Variants in EPHB3 observed in about 807,000 individuals in gnomAD.
The protein encoded by EPHB3 is ephrin type-B receptor 3.
Under a neutral mutation model 100.2 loss-of-function variants are expected in EPHB3, and 33 were observed. The ratio of observed to expected loss-of-function variants is 0.33; its 90% confidence interval spans 0.25 to 0.44. EPHB3 has a LOEUF of 0.44. EPHB3 is among the 20% of genes least tolerant of loss of function. The pLI is 1.00. For missense variants in EPHB3, 1,045 were observed against 1,378.3 expected (o/e 0.76, Z 3.83); for synonymous variants, 526 against 554.7 (o/e 0.95, Z 0.73).
At chr3:184,566,198 G>T (rs1393901876) in intron 1 of EPHB3, among the ~76,000 whole-genome samples, 1 of 152,224 alleles carries the variant, frequency 6.6e-6, no homozygotes, top group Non-Finnish European at 1.5e-5. Context: ...GAAGGGCTCA[G>T]GTTAAGGGCT....
Position 184,571,533 on chromosome 3 carries a change from T to G in EPHB3, c.183+151T>G. ...CTCACTTCCTGTGCCATCCCCATCATCCTCACTTGTGACCCTCTGAAGCAC... is the reference window on the plus strand; with the variant it reads ...CTCACTTCCTGTGCCATCCCCATCAGCCTCACTTGTGACCCTCTGAAGCAC... On this transcript the variant is annotated intron_variant, in intron 2 of 15. Coordinates refer to ENST00000330394, the MANE Select transcript of EPHB3 (RefSeq NM_004443.4). This position sits in a 1 kb window ranked among gnomAD's most constrained non-coding sequence, Gnocchi z 5.0. 1 of 769,728 alleles carries G rather than the reference T, an allele frequency of 1.3e-6. No homozygotes were observed. The allele number at this position is 769,728 out of a possible 1,614,324, so 47.7% of individuals were successfully genotyped here.
intron 1 of EPHB3, among the ~76,000 whole-genome samples, chr3:184,564,438 C>G (rs892859164): frequency 1.3e-5 from 2 of 152,248 alleles, no homozygotes; most frequent in African/African-American, 4.8e-5. Context: ...CTCTCCCTCA[C>G]TGGGAGACAG....
chr3:184,577,801 G>C lies in EPHB3; in HGVS notation c.1623G>C (p.Glu541Asp). The C allele has an allele frequency of 6.2e-7, 1 of 1,605,874 alleles. No individual in the cohort carries two copies. The highest frequency in any genetic ancestry group is 8.5e-7 in the Non-Finnish European group (1 of 1,174,078). ...YGQYSRPAEFETTSERGSGAQ... is the reference protein window; with the variant it reads ...YGQYSRPAEFDTTSERGSGAQ... ...AGTACAGCCGCCCTGCCGAGTTTGA[G>C]ACCACAAGTGAGAGAGGTTAGTAGC... is the stretch of plus-strand genomic sequence containing the variant. Residue 541 changes from glutamate (E) to aspartate (D), a missense_variant, in exon 7 of 16, where the codon GAG (glutamate) becomes GAC (aspartate). Physicochemically the swap from Glu to Asp is conservative, Grantham distance 45. Around this residue, in one of 2 missense-constraint regions of EPHB3, gnomAD observed 985 missense variants for 1,331.1 expected, o/e 0.74. Transcript: ENST00000330394. This position sits in a 1 kb window ranked among gnomAD's most constrained non-coding sequence, Gnocchi z 4.9.
chr3:184,578,397 AC>A lies in EPHB3; in HGVS notation c.1749-14del. On this transcript the variant is annotated splice_polypyrimidine_tract_variant and intron_variant, in intron 8 of 15. Transcript: ENST00000330394. This position sits in a 1 kb window ranked among gnomAD's most constrained non-coding sequence, Gnocchi z 4.7. The stretch of plus-strand genomic sequence containing the variant: ...ATGACTTGTCTCAGGCCTGCCCTCC[AC>A]CCTGCCACCCTACAGGAAGCAGCGA... 6.2e-7 allele frequency: 1 copy of A among 1,613,364 alleles called. No homozygotes were observed. The highest frequency in any genetic ancestry group is 1.1e-5 in the South Asian group (1 of 91,042).
At chr3:184,567,639 T>TTTGCA (rs1248907996) in intron 1 of EPHB3, among the ~76,000 whole-genome samples, 3 of 152,230 alleles carry the variant, frequency 2.0e-5, no homozygotes, top group Non-Finnish European at 4.4e-5. Flanking sequence ...CATCTGTGAC[T>TTTGCA]TTGCAGCTGA....
At position 184,580,394 on chromosome 3, in the gene EPHB3, G is replaced by T; in HGVS notation, c.2173-8G>T. The T allele has an allele frequency of 6.2e-7, 1 of 1,614,184 alleles. No individual in the cohort carries two copies. The highest frequency in any genetic ancestry group is 1.3e-5 in the African/African-American group (1 of 75,064). On this transcript the variant is annotated splice_region_variant and splice_polypyrimidine_tract_variant and intron_variant, in intron 11 of 15. Coordinates refer to ENST00000330394, the MANE Select transcript of EPHB3 (RefSeq NM_004443.4). Reference sequence around the variant, plus strand: ...ATGGGCTCACCTGAGCCTGCTTGTTGCCTGCAGCTCAACGATGGGCAGTTC... The same window carrying T: ...ATGGGCTCACCTGAGCCTGCTTGTTTCCTGCAGCTCAACGATGGGCAGTTC...
At position 184,581,402 on chromosome 3, in the gene EPHB3, C is replaced by T. The variant is rs574118020; in HGVS notation, c.2882C>T (p.Thr961Met). ...FASFDLVAQM[T>M]AEDLLRIGVT... ...TCTTTTGACCTGGTGGCCCAGATGACGGCAGAGTAAGTGTGCCTCAGATTT... is the reference window on the plus strand; with the variant it reads ...TCTTTTGACCTGGTGGCCCAGATGATGGCAGAGTAAGTGTGCCTCAGATTT... The change falls in exon 15 of 16, where the codon ACG becomes ATG. Residue 961 changes from threonine to methionine, a missense_variant. Physicochemically the swap from Thr to Met is moderately conservative, Grantham distance 81. Around this residue, in one of 2 missense-constraint regions of EPHB3, gnomAD observed 985 missense variants for 1,331.1 expected, o/e 0.74. Coordinates refer to ENST00000330394, the MANE Select transcript of EPHB3 (RefSeq NM_004443.4). The T allele has an allele frequency of 1.4e-5, 22 of 1,585,996 alleles. No homozygotes were observed. Among genetic ancestry groups the T allele is most frequent in the South Asian group, 4.7e-5 (4 of 85,466 alleles).
chr3:184,568,602 C>G (rs1467611974), intron 1 of EPHB3, among the ~76,000 whole-genome samples: 1 of 143,696 alleles, frequency 7.0e-6, no homozygotes, highest in African/African-American at 2.6e-5. Flanking sequence ...ACCCCCCCCC[C>G]ACATCCCCCT....
At position 184,577,039 on chromosome 3, in the gene EPHB3, G is replaced by T; in HGVS notation, c.1210G>T (p.Gly404Cys). 1 of 1,613,916 alleles carries T rather than the reference G, an allele frequency of 6.2e-7. No individual in the cohort carries two copies. Among genetic ancestry groups the T allele is most frequent in the Non-Finnish European group, 8.5e-7 (1 of 1,180,000 alleles). The change falls in exon 5 of 16, where the codon GGC becomes TGC. Residue 404 changes from glycine to cysteine, a missense_variant. By Grantham distance (159) the Gly-to-Cys change is radical. Around this residue, in one of 2 missense-constraint regions of EPHB3, gnomAD observed 985 missense variants for 1,331.1 expected, o/e 0.74. Coordinates refer to ENST00000330394, the MANE Select transcript of EPHB3 (RefSeq NM_004443.4). This position sits in a 1 kb window ranked among gnomAD's most constrained non-coding sequence, Gnocchi z 4.9. ...DNVEFVPRQLGLTERRVHISH... is the reference protein window; with the variant it reads ...DNVEFVPRQLCLTERRVHISH... ...CGTGGAGTTTGTGCCTCGGCAGCTG[G>T]GCCTGACGGAGCGCCGGGTCCACAT...
In EPHB3 at chr3:184,579,960, C is replaced by G; in HGVS notation, c.2172+26C>G. ...GTAAGAGCCAGCCCCCAGGCCCTCT[C>G]CCTCCCCCAGAGAGTTGGATTGGGC... On this transcript the variant is annotated intron_variant, in intron 11 of 15. Transcript: ENST00000330394. This position sits in a 1 kb window ranked among gnomAD's most constrained non-coding sequence, Gnocchi z 5.2. The G allele has an allele frequency of 6.2e-7, 1 of 1,603,676 alleles. No homozygotes were observed. The highest frequency in any genetic ancestry group is 8.5e-7 in the Non-Finnish European group (1 of 1,175,108).
rs928574732 is a variant in EPHB3, at chr3:184,580,747, C to T, written c.2407C>T (p.Arg803Cys). The T allele has an allele frequency of 5.0e-6, 8 of 1,613,916 alleles. No homozygotes were observed. The highest frequency in any genetic ancestry group is 4.4e-5 in the South Asian group (4 of 91,072). The part of the protein sequence containing the change: ...TSSLGGKIPI[R>C]WTAPEAIAYR... ...TCACCAGGGCGGGAAGATCCCCATC[C>T]GCTGGACTGCCCCAGAGGCCATAGC... Residue 803 changes from arginine (R) to cysteine (C), a missense_variant, in exon 13 of 16, where the codon CGC becomes TGC. Transcript: ENST00000330394.
chr3:184,572,391 C>T lies in EPHB3; in HGVS notation c.184-113C>T. On this transcript the variant is annotated intron_variant, in intron 2 of 15. Transcript: ENST00000330394. This position sits in a 1 kb window ranked among gnomAD's most constrained non-coding sequence, Gnocchi z 6.6. ...AGCCCATATAGCCTGTATGCTCAGC[C>T]ACTGCACACCATAGAAGCATCCCTG... The T allele has an allele frequency of 8.2e-7, 1 of 1,217,128 alleles. No homozygotes were observed. Among genetic ancestry groups the T allele is most frequent in the Non-Finnish European group, 1.1e-6 (1 of 922,660 alleles). 75.4% of individuals were successfully genotyped at this position (1,217,128 alleles called of 1,614,324 possible).
intron 1 of EPHB3, among the ~76,000 whole-genome samples, chr3:184,570,044 C>T (rs1395727492): frequency 6.6e-6 from 1 of 152,206 alleles, no homozygotes; most frequent in South Asian, 2.1e-4. Flanking sequence ...CCTAAGGGAG[C>T]AAGTGTATGT....
In EPHB3 at chr3:184,571,325, C is replaced by G. The variant is rs1380303860; in HGVS notation, c.126C>G (p.Leu42=). The G allele has an allele frequency of 6.2e-7, 1 of 1,613,946 alleles. No homozygotes were observed. The highest frequency in any genetic ancestry group is 8.5e-7 in the Non-Finnish European group (1 of 1,179,950). ...PAGCRALEET[L]MDTKWVTSEL... ...TCTCCGTTGTTCCTCCAGAGACCCT[C>G]ATGGACACAAAATGGGTAACATCTG... The change falls in exon 2 of 16, where the codon CTC becomes CTG. Residue 42 remains leucine (L), a synonymous_variant. Coordinates refer to ENST00000330394, the MANE Select transcript of EPHB3 (RefSeq NM_004443.4). The surrounding 1 kb of genome is among the most constrained non-coding windows in gnomAD (Gnocchi z 5.0).
Position 184,581,794 on chromosome 3 carries a change from T to G in EPHB3, c.*172T>G, listed in dbSNP as rs1381688983. The G allele has an allele frequency of 1.2e-5, 8 of 648,868 alleles. No homozygotes were observed. Among genetic ancestry groups the G allele is most frequent in the Non-Finnish European group, 2.1e-5 (8 of 387,862 alleles). The allele number at this position is 648,868 out of a possible 1,614,324, so 40.2% of individuals were successfully genotyped here. On this transcript the variant is annotated 3_prime_UTR_variant, in exon 16 of 16. Coordinates refer to ENST00000330394, the MANE Select transcript of EPHB3 (RefSeq NM_004443.4). ...AGGCCTGTGTTCCCTCCCCAGGAAG[T>G]GCGCCCCAAACCTCTTCATATTGAA...
chr3:184,568,576 A>G (rs1714453516), intron 1 of EPHB3, among the ~76,000 whole-genome samples: 1 of 151,550 alleles, frequency 6.6e-6, no homozygotes, highest in South Asian at 2.1e-4. Context: ...AATACCACGG[A>G]CAGATGGGTT....
rs1714570371 is a variant in EPHB3 at position 184,572,682 on chromosome 3, A to G, written c.362A>G (p.Asn121Ser). 1 of 1,603,040 alleles carries G rather than the reference A, an allele frequency of 6.2e-7. No individual in the cohort carries two copies. Among genetic ancestry groups the G allele is most frequent in the African/African-American group, 1.3e-5 (1 of 74,522 alleles). The change falls in exon 3 of 16, where the codon AAC (asparagine) becomes AGC (serine). Residue 121 changes from asparagine to serine, a missense_variant. Asn to Ser is a conservative substitution (Grantham distance 46). Around this residue, in one of 2 missense-constraint regions of EPHB3, gnomAD observed 985 missense variants for 1,331.1 expected, o/e 0.74. Coordinates refer to ENST00000330394, the MANE Select transcript of EPHB3 (RefSeq NM_004443.4). The surrounding 1 kb of genome is among the most constrained non-coding windows in gnomAD (Gnocchi z 6.6). ...GTGCGTGACTGCAACAGCATCCCCA[A>G]CATCCCCGGCTCCTGCAAGGAGACC... ...FTVRDCNSIP[N>S]IPGSCKETFN...
intron 1 of EPHB3, among the ~76,000 whole-genome samples, chr3:184,566,192 G>T (rs1714380379): frequency 6.6e-6 from 1 of 152,196 alleles, no homozygotes. Context: ...AGGGCTGAAG[G>T]GCTCAGGTTA....
At position 184,571,854 on chromosome 3, in the gene EPHB3, C is replaced by A. The variant is rs576743123; in HGVS notation, c.183+472C>A. On this transcript the variant is annotated intron_variant, in intron 2 of 15. Coordinates refer to ENST00000330394, the MANE Select transcript of EPHB3 (RefSeq NM_004443.4). The surrounding 1 kb of genome is among the most constrained non-coding windows in gnomAD (Gnocchi z 5.0). Reference sequence around the variant, plus strand: ...TATTCTAATTAATCTCCCTAGATGGCCTTCATGGCTGCTCTAAGCCCTAGA... The same window carrying A: ...TATTCTAATTAATCTCCCTAGATGGACTTCATGGCTGCTCTAAGCCCTAGA... Among the ~76,000 whole-genome samples, 8 of 152,308 alleles carry A rather than the reference C, an allele frequency of 5.3e-5. No individual in the cohort carries two copies. In the East Asian group the frequency reaches 9.6e-4, roughly 18 times the overall value.
Sources: allele counts gnomAD v4.1 joint callset (sites outside exome capture counted in the v4.1 genomes callset), GRCh38; gene constraint gnomAD v4.1.1; regional missense constraint gnomAD v4.1.1; non-coding constraint Gnocchi (gnomAD v3.1); transcripts MANE v1.5; gene names NCBI Gene and HGNC (gene_info 2026-07-23, HGNC 2026-07-21).